PTPRM: variants seen among roughly 807,000 people sequenced by gnomAD.
The protein encoded by PTPRM is protein tyrosine phosphatase receptor type M.
A neutral mutation model predicts 186.7 loss-of-function variants in PTPRM; 47 were observed. The ratio of observed to expected loss-of-function variants is 0.25; its 90% confidence interval spans 0.20 to 0.32. The LOEUF is 0.32. PTPRM is among the 10% of genes least tolerant of loss of function. The pLI is 1.00. For missense variants in PTPRM, 1,494 were observed against 1,865.0 expected (o/e 0.80, Z 3.66); for synonymous variants, 668 against 674.9 (o/e 0.99, Z 0.16).
chr18:8,086,431 A>G (rs983732251), intron 10 of PTPRM, among the ~76,000 whole-genome samples: 1 of 152,194 alleles, frequency 6.6e-6, no homozygotes, highest in Admixed American at 6.5e-5. Context: ...GGCATGTTCA[A>G]CTGTGCAGAA....
chr18:8,046,613 G>T (rs576417585), intron 7 of PTPRM, among the ~76,000 whole-genome samples: 1 of 152,126 alleles, frequency 6.6e-6, no homozygotes, highest in Non-Finnish European at 1.5e-5. Context: ...GCCCCAGTCC[G>T]TGTGTCTCTG....
intron 14 of PTPRM, among the ~76,000 whole-genome samples, chr18:8,237,451 T>TTTTTTTTTTTTTTTTTTTG (rs2094358824): frequency 1.1e-5 from 1 of 91,548 alleles, no homozygotes. Context: ...TTTTTTTTTT[T>TTTTTTTTTTTTTTTTTTTG]TTTTTTTTTT....
At chr18:8,343,385 C>T (rs372380991) in intron 22 of PTPRM, 38 bp from the exon 23 acceptor site, 94 of 1,592,166 alleles carry the variant, frequency 5.9e-5, no homozygotes, top group Non-Finnish European at 7.3e-5. Flanking sequence ...TTGAAACTTA[C>T]AACAAAAACA....
At chr18:7,754,365 T>C (rs1420249951) in intron 1 of PTPRM, among the ~76,000 whole-genome samples, 2 of 152,200 alleles carry the variant, frequency 1.3e-5, no homozygotes, top group Admixed American at 6.5e-5. Context: ...CAAATTATCC[T>C]CTTCTAGGTA....
intron 14 of PTPRM, among the ~76,000 whole-genome samples, chr18:8,151,595 C>T (rs1450508250): frequency 6.6e-6 from 1 of 150,710 alleles, no homozygotes; most frequent in Non-Finnish European, 1.5e-5. Flanking sequence ...GGGTGGGACC[C>T]ACTGAGGCAG....
intron 7 of PTPRM, among the ~76,000 whole-genome samples, chr18:8,037,068 C>T (rs2086379971): frequency 1.3e-5 from 2 of 152,092 alleles, no homozygotes; most frequent in South Asian, 4.1e-4. Flanking sequence ...AATGAATGAT[C>T]TGGACAGAAT....
chr18:7,936,655 G>T (rs1253445645), intron 5 of PTPRM, among the ~76,000 whole-genome samples: 1 of 152,180 alleles, frequency 6.6e-6, no homozygotes, highest in Non-Finnish European at 1.5e-5. Flanking sequence ...CAGGGCAGAT[G>T]GGGGAGTTCC....
intron 20 of PTPRM, 128 bp from the exon 21 acceptor site, chr18:8,314,653 T>G (rs995372920): frequency 2.4e-5 from 14 of 579,412 alleles, no homozygotes; most frequent in African/African-American, 1.7e-4. Context: ...GTGTACTATT[T>G]AATTCTTTAT....
At chr18:7,815,538 C>G (rs1217222315) in intron 2 of PTPRM, 2 of 152,298 alleles carry the variant, frequency 1.3e-5, no homozygotes, top group South Asian at 4.1e-4. Context: ...AAGGCCTAAG[C>G]TGGGCATCAT....
At chr18:7,641,074 GC>G (rs1183085385) in intron 1 of PTPRM, among the ~76,000 whole-genome samples, 1 of 152,148 alleles carries the variant, frequency 6.6e-6, no homozygotes, top group Non-Finnish European at 1.5e-5. Flanking sequence ...TGTTCAACAT[GC>G]AGGTCTTTTC....
intron 31 of PTPRM, among the ~76,000 whole-genome samples, chr18:8,393,743 CTA>C (rs1376770855): frequency 4.6e-5 from 7 of 152,008 alleles, no homozygotes; most frequent in African/African-American, 7.3e-5. Flanking sequence ...AAAAGAGCCT[CTA>C]TGTTTTATAG....
At chr18:7,822,419 A>G (rs1348224208) in intron 2 of PTPRM, among the ~76,000 whole-genome samples, 1 of 152,224 alleles carries the variant, frequency 6.6e-6, no homozygotes, top group Non-Finnish European at 1.5e-5. Flanking sequence ...ATTTGACTTG[A>G]GAGTTTCTGT....
At chr18:8,401,729 T>G (rs2095873271) in intron 32 of PTPRM, among the ~76,000 whole-genome samples, 2 of 152,258 alleles carry the variant, frequency 1.3e-5, no homozygotes, top group Non-Finnish European at 1.5e-5. Flanking sequence ...AGGCCCCCAG[T>G]GCCGCCCGCT....
intron 2 of PTPRM, among the ~76,000 whole-genome samples, chr18:7,832,576 A>G (rs1291543570): frequency 1.3e-5 from 2 of 152,160 alleles, no homozygotes; most frequent in African/African-American, 4.8e-5. Context: ...TTGTCTCTTC[A>G]TATGGTTGAT....
rs186537776 is a variant in PTPRM, at chr18:7,927,358, A to G, written c.663+675A>G. On this transcript the variant is annotated intron_variant, in intron 5 of 32. Coordinates refer to ENST00000580170, the MANE Select transcript of PTPRM (RefSeq NM_001105244.2). The stretch of plus-strand genomic sequence containing the variant: ...GGTTTGGGGTTTGCCCTGCCTTGGT[A>G]TTCTCCAGTTGCATTCTTGTTTCTT... 5.3e-4 allele frequency among the ~76,000 whole-genome samples: 80 copies of G among 152,100 alleles called. No individual in the cohort carries two copies. In the East Asian group the frequency reaches 0.013, roughly 25 times the overall value.
At chr18:8,138,926 G>T (rs1191519508) in intron 13 of PTPRM, among the ~76,000 whole-genome samples, 1 of 151,966 alleles carries the variant, frequency 6.6e-6, no homozygotes, top group Non-Finnish European at 1.5e-5. Flanking sequence ...TATTCGCCTG[G>T]ACATCCGCCT....
At chr18:8,222,485 C>T (rs1197921760) in intron 14 of PTPRM, among the ~76,000 whole-genome samples, 1 of 152,174 alleles carries the variant, frequency 6.6e-6, no homozygotes, top group Admixed American at 6.5e-5. Context: ...GTTTCCATCT[C>T]TTTCATAAGG....
At chr18:7,902,777 G>GA (rs1429426360) in intron 3 of PTPRM, among the ~76,000 whole-genome samples, 1 of 149,996 alleles carries the variant, frequency 6.7e-6, no homozygotes, top group African/African-American at 2.5e-5. Context: ...CGCGATGGAT[G>GA]AAAAAACAGA....
chr18:8,310,983 T>C (rs1307069220), intron 20 of PTPRM, among the ~76,000 whole-genome samples: 1 of 152,142 alleles, frequency 6.6e-6, no homozygotes, highest in Non-Finnish European at 1.5e-5. Context: ...AATAGCTCAG[T>C]ATTCTGACAA....
Sources: allele counts gnomAD v4.1 joint callset (sites outside exome capture counted in the v4.1 genomes callset), GRCh38; gene constraint gnomAD v4.1.1; transcripts MANE v1.5; gene names NCBI Gene and HGNC (gene_info 2026-07-23, HGNC 2026-07-21).